Variants in UTRN observed in about 807,000 individuals in gnomAD.
UTRN encodes the protein dystrophin-related protein 1.
In UTRN, 283 loss-of-function variants were observed where a neutral mutation model predicts 463.9. The observed-to-expected ratio is 0.61, with a 90% confidence interval of 0.55 to 0.67. UTRN has a LOEUF of 0.67. UTRN is among the 30% of genes least tolerant of loss of function. UTRN has a pLI of 0.00. For missense variants in UTRN, 3,922 were observed against 4,084.3 expected, an observed-to-expected ratio of 0.96 and a Z score of 1.08; for synonymous variants, 1,442 against 1,431.5, an observed-to-expected ratio of 1.01 and a Z score of -0.17.
intron 2 of UTRN, among the ~76,000 whole-genome samples, chr6:144,333,673 C>T (rs1584318696): frequency 6.6e-6 from 1 of 152,186 alleles, no homozygotes; most frequent in East Asian, 1.9e-4. Context: ...TCGGGCTTCT[C>T]AGTTTCAGCC....
chr6:144,790,638 CTT>C (rs1776679925), intron 62 of UTRN, among the ~76,000 whole-genome samples: 1 of 152,202 alleles, frequency 6.6e-6, no homozygotes, highest in Admixed American at 6.5e-5. Flanking sequence ...TTGCCCAAGA[CTT>C]TTGCTTTGTG....
In UTRN at chr6:144,762,746, T is replaced by C. The variant is rs576022022; in HGVS notation, c.8495+4757T>C. 1.5e-4 allele frequency among the ~76,000 whole-genome samples: 23 copies of C among 152,314 alleles called. No homozygotes were observed. In the East Asian group the frequency reaches 4.2e-3, roughly 28 times the overall value. ...ACATGATCTGAAGATTTCTGTCAAC[T>C]GGTAGATTTAAGTATCTGCGAGTAA... On this transcript the variant is annotated intron_variant, in intron 58 of 74. Coordinates refer to ENST00000367545, the MANE Select transcript of UTRN (RefSeq NM_007124.3).
rs138075636 is a variant in UTRN, at chr6:144,782,210, A to G, written c.8834+87A>G. The G allele has an allele frequency of 5.7e-4, 662 of 1,163,472 alleles. 3 individuals are homozygous for G. In the East Asian group the frequency reaches 0.017, roughly 29 times the overall value. The allele number at this position is 1,163,472 out of a possible 1,614,324, so 72.1% of individuals were successfully genotyped here. Reference sequence around the variant, plus strand: ...GTCTGATTTTTAAGTGAATTTTTTAATAAGTGCTTTCAAATTACTTTCCCA... The same window carrying G: ...GTCTGATTTTTAAGTGAATTTTTTAGTAAGTGCTTTCAAATTACTTTCCCA... On this transcript the variant is annotated intron_variant, in intron 61 of 74. Transcript: ENST00000367545.
intron 2 of UTRN, among the ~76,000 whole-genome samples, chr6:144,322,001 C>T (rs1314020427): frequency 6.6e-6 from 1 of 151,794 alleles, no homozygotes; most frequent in East Asian, 1.9e-4. Flanking sequence ...TGACTTCAAG[C>T]GATCCACCCG....
intron 34 of UTRN, among the ~76,000 whole-genome samples, chr6:144,502,233 C>T (rs1794257446): frequency 6.6e-6 from 1 of 151,490 alleles, no homozygotes; most frequent in African/African-American, 2.4e-5. Context: ...TTTAATTATT[C>T]ACTTTTTTTT....
intron 47 of UTRN, among the ~76,000 whole-genome samples, chr6:144,550,537 C>G (rs1414433393): frequency 1.3e-5 from 2 of 152,058 alleles, no homozygotes; most frequent in African/African-American, 4.8e-5. Context: ...CTGTGTCACC[C>G]CCAACCCTAT....
At chr6:144,827,245 G>C (rs1297431868) in intron 66 of UTRN, 103 bp from the exon 67 acceptor site, 3 of 1,371,904 alleles carry the variant, frequency 2.2e-6, no homozygotes, top group Non-Finnish European at 3.1e-6. Context: ...ACATATATGA[G>C]CGGAAGATAA....
In UTRN at chr6:144,437,716, T is replaced by G. The variant is rs1786712600; in HGVS notation, c.1211T>G (p.Leu404Arg). The change falls in exon 11 of 75, where the codon CTT (leucine) becomes CGT (arginine). Residue 404 changes from leucine (L) to arginine (R), a missense_variant. By Grantham distance (102) the Leu-to-Arg change is moderately radical (BLOSUM62 -2). Around this residue, in one of 3 missense-constraint regions of UTRN, gnomAD observed 2,349 missense variants for 2,303.8 expected, o/e 1.02. Transcript: ENST00000367545. ...CTGCTGAATGCTAGATGGGAGGCTC[T>G]TAGGGTGGAGAGTATGGACAGACAG... ...MTLLNARWEALRVESMDRQSR... is the reference protein window; with the variant it reads ...MTLLNARWEARRVESMDRQSR... 1 of 1,613,952 alleles carries G rather than the reference T, an allele frequency of 6.2e-7. No individual in the cohort carries two copies. Among genetic ancestry groups the G allele is most frequent in the African/African-American group, 1.3e-5 (1 of 75,026 alleles).
intron 51 of UTRN, among the ~76,000 whole-genome samples, chr6:144,657,449 G>A (rs1170857425): frequency 3.3e-5 from 5 of 152,094 alleles, no homozygotes; most frequent in African/African-American, 1.2e-4. Context: ...GAATTCCACA[G>A]GAGAACATAC....
intron 58 of UTRN, among the ~76,000 whole-genome samples, chr6:144,762,417 C>A (rs1014544720): frequency 3.3e-5 from 5 of 152,174 alleles, no homozygotes; most frequent in African/African-American, 7.2e-5. Context: ...ATACCATAGA[C>A]GGTTACCATT....
intron 51 of UTRN, chr6:144,583,726 A>T: frequency 2.3e-6 from 1 of 444,384 alleles, no homozygotes; most frequent in Middle Eastern, 3.2e-4. Context: ...TGATTGTGAA[A>T]GCTGTTAAAG....
chr6:144,384,910 G>A (rs905646404), intron 2 of UTRN, among the ~76,000 whole-genome samples: 1 of 152,076 alleles, frequency 6.6e-6, no homozygotes, highest in Non-Finnish European at 1.5e-5. Flanking sequence ...CAGTTCTTCT[G>A]GTTATATCAT....
chr6:144,816,923 C>A (rs1779140953), intron 65 of UTRN, among the ~76,000 whole-genome samples: 2 of 152,016 alleles, frequency 1.3e-5, no homozygotes, highest in Admixed American at 1.3e-4. Context: ...AGAAAACCAA[C>A]CACATGGCAT....
intron 51 of UTRN, among the ~76,000 whole-genome samples, chr6:144,613,274 G>A (rs543215772): frequency 4.6e-5 from 7 of 151,874 alleles, no homozygotes; most frequent in Non-Finnish European, 8.8e-5. Context: ...ATAGATAAGA[G>A]GATTTATGGC....
At chr6:144,603,701 C>A (rs149553453) in intron 51 of UTRN, among the ~76,000 whole-genome samples, 87 of 152,018 alleles carry the variant, frequency 5.7e-4, no homozygotes, top group African/African-American at 1.7e-3. Flanking sequence ...TAAAAACTTT[C>A]GATATTTCAT....
chr6:144,404,822 C>T (rs1017850732), intron 3 of UTRN, among the ~76,000 whole-genome samples: 1 of 152,014 alleles, frequency 6.6e-6, no homozygotes, highest in African/African-American at 2.4e-5. Flanking sequence ...AGAAATTTCT[C>T]AATATTTATG....
intron 2 of UTRN, among the ~76,000 whole-genome samples, chr6:144,348,934 C>CAA (rs113161374): frequency 4.8e-5 from 7 of 146,740 alleles, no homozygotes; most frequent in African/African-American, 1.7e-4. Context: ...AACTCCATCT[C>CAA]AAAAAAAAAC....
intron 21 of UTRN, among the ~76,000 whole-genome samples, chr6:144,460,852 T>C (rs915298977): frequency 6.6e-6 from 1 of 152,230 alleles, no homozygotes; most frequent in Non-Finnish European, 1.5e-5. Flanking sequence ...GGGATCTTTG[T>C]TTTCTTTTAT....
At chr6:144,510,556 G>A (rs1795084955) in intron 34 of UTRN, among the ~76,000 whole-genome samples, 1 of 152,092 alleles carries the variant, frequency 6.6e-6, no homozygotes, top group African/African-American at 2.4e-5. Context: ...TTTAAGTTGT[G>A]AGTTCTAGGA....
Sources: allele counts gnomAD v4.1 joint callset (sites outside exome capture counted in the v4.1 genomes callset), GRCh38; gene constraint gnomAD v4.1.1; regional missense constraint gnomAD v4.1.1; transcripts MANE v1.5; gene names NCBI Gene and HGNC (gene_info 2026-07-23, HGNC 2026-07-21).